INSYN2B: variants seen among roughly 807,000 people sequenced by gnomAD.
INSYN2B encodes protein INSYN2B.
A neutral mutation model predicts 41.2 loss-of-function variants in INSYN2B; 16 were observed. The observed-to-expected ratio is 0.39, with a 90% confidence interval of 0.26 to 0.59. INSYN2B has a LOEUF of 0.59. Among genes scored for constraint, INSYN2B ranks in the 20% least tolerant of loss-of-function variants. INSYN2B has a pLI of 0.57. For synonymous variants in INSYN2B, 245 were observed against 244.4 expected (o/e 1.00, Z -0.02); for missense variants, 608 against 646.4 (o/e 0.94, Z 0.64).
At chr5:169,976,998 A>G (rs10041330) in intron 1 of INSYN2B, among the ~76,000 whole-genome samples, 45,605 of 152,206 alleles carry the variant, frequency 0.3, 7,637 homozygotes, top group Middle Eastern at 0.39. Context: ...ATTGCACAGC[A>G]GGATGTCCTG....
chr5:169,904,091 C>CAAAAA (rs57983281), intron 1 of INSYN2B, among the ~76,000 whole-genome samples: 5 of 70,338 alleles, frequency 7.1e-5, no homozygotes, highest in African/African-American at 9.8e-5. Flanking sequence ...GACTTCGTCT[C>CAAAAA]AAAAAAAAAA....
chr5:169,907,594 C>T (rs1048050412), intron 1 of INSYN2B, among the ~76,000 whole-genome samples: 1 of 152,162 alleles, frequency 6.6e-6, no homozygotes, highest in Non-Finnish European at 1.5e-5. Flanking sequence ...TCACAAACAA[C>T]CCAGTATGTT....
chr5:169,872,607 C>G (rs1772053759), intron 3 of INSYN2B, among the ~76,000 whole-genome samples: 1 of 152,190 alleles, frequency 6.6e-6, no homozygotes, highest in African/African-American at 2.4e-5. Context: ...CTGCTGATAG[C>G]TATATCTGAA....
chr5:169,878,072 C>T (rs1772431556), intron 3 of INSYN2B, among the ~76,000 whole-genome samples: 1 of 152,148 alleles, frequency 6.6e-6, no homozygotes, highest in Non-Finnish European at 1.5e-5. Flanking sequence ...TCTCTGTAAT[C>T]AAAGACCTCT....
chr5:169,883,333 G>C lies in INSYN2B; in HGVS notation c.566C>G (p.Ala189Gly). 1 of 1,551,594 alleles carries C rather than the reference G, an allele frequency of 6.4e-7. No individual in the cohort carries two copies. The highest frequency in any genetic ancestry group is 8.7e-7 in the Non-Finnish European group (1 of 1,146,912). Residue 189 changes from alanine to glycine, a missense_variant, in exon 2 of 4, where the codon GCA becomes GGA. Physicochemically the swap from Ala to Gly is moderately conservative, Grantham distance 60. Coordinates refer to ENST00000377365, the MANE Select transcript of INSYN2B (RefSeq NM_001129891.3). ...SNGPVSICLE[A>G]GTWRSLEKAT... Reference sequence around the variant, plus strand: ...TTTCTCTAAGGACCTCCAAGTTCCTGCTTCCAAGCATATGCTAACAGGACC... The same window carrying C: ...TTTCTCTAAGGACCTCCAAGTTCCTCCTTCCAAGCATATGCTAACAGGACC...
intron 1 of INSYN2B, among the ~76,000 whole-genome samples, chr5:169,977,525 C>T (rs985312638): frequency 6.6e-6 from 1 of 152,148 alleles, no homozygotes; most frequent in Non-Finnish European, 1.5e-5. Flanking sequence ...ATTTTTATCC[C>T]CTTTTACAGA....
At chr5:169,897,483 T>G (rs80094576) in intron 1 of INSYN2B, among the ~76,000 whole-genome samples, 8,773 of 152,164 alleles carry the variant, frequency 0.058, 320 homozygotes, top group Non-Finnish European at 0.083. Context: ...GCCACCGTAC[T>G]CGGCCAGGAA....
chr5:169,946,677 C>G (rs1270117366), intron 1 of INSYN2B, among the ~76,000 whole-genome samples: 2 of 152,198 alleles, frequency 1.3e-5, no homozygotes, highest in African/African-American at 2.4e-5. Context: ...TCTCCTGGAG[C>G]TACGTTCTAA....
intron 3 of INSYN2B, among the ~76,000 whole-genome samples, chr5:169,879,610 A>C (rs1158846630): frequency 3.3e-5 from 5 of 152,242 alleles, no homozygotes; most frequent in Non-Finnish European, 1.5e-5. Flanking sequence ...AACTTAATTT[A>C]GAATGTTTGC....
intron 1 of INSYN2B, among the ~76,000 whole-genome samples, chr5:169,964,876 C>G (rs533471659): frequency 6.6e-5 from 10 of 152,360 alleles, no homozygotes; most frequent in Middle Eastern, 6.8e-3. Flanking sequence ...TAGCTAGTAT[C>G]TGGCACATAG....
In INSYN2B at chr5:169,933,530, T is replaced by C. The variant is rs571681760; in HGVS notation, c.-919+46747A>G. On this transcript the variant is annotated intron_variant, in intron 1 of 3. Coordinates refer to ENST00000377365, the MANE Select transcript of INSYN2B (RefSeq NM_001129891.3). ...TGTGTTTTGTTGTTAATATTGATAC[T>C]GCATTCACCTGGGGAAGGAGGCTGC... Among the ~76,000 whole-genome samples, 205 of 152,386 alleles carry C rather than the reference T, an allele frequency of 1.3e-3. 2 individuals carry two copies. The South Asian group carries it at 0.041, about 30-fold the overall frequency.
In INSYN2B at chr5:169,883,105, G is replaced by A; in HGVS notation, c.794C>T (p.Ala265Val). Reference sequence around the variant, plus strand: ...TTCCTCTGTGCCTGGTGTGTGGCTGGCAACGCTGGTGGCATTTAAGCAGGA... The same window carrying A: ...TTCCTCTGTGCCTGGTGTGTGGCTGACAACGCTGGTGGCATTTAAGCAGGA... ...STSCLNATSV[A>V]SHTPGTEELK... The change falls in exon 2 of 4, where the codon GCC (alanine) becomes GTC (valine). Residue 265 changes from alanine to valine, a missense_variant. Coordinates refer to ENST00000377365, the MANE Select transcript of INSYN2B (RefSeq NM_001129891.3). 6.4e-7 allele frequency: 1 copy of A among 1,551,628 alleles called. No individual in the cohort carries two copies. Among genetic ancestry groups the A allele is most frequent in the Non-Finnish European group, 8.7e-7 (1 of 1,146,938 alleles).
chr5:169,940,708 C>G (rs143020366), intron 1 of INSYN2B, among the ~76,000 whole-genome samples: 316 of 152,248 alleles, frequency 2.1e-3, no homozygotes, highest in African/African-American at 7.2e-3. Context: ...CTAATCCCAC[C>G]ACTGATCTGA....
chr5:169,967,910 G>A (rs1041276627), intron 1 of INSYN2B, among the ~76,000 whole-genome samples: 10 of 152,180 alleles, frequency 6.6e-5, no homozygotes, highest in African/African-American at 2.4e-4. Context: ...AAAGGACTAT[G>A]GCTGGATTAC....
At chr5:169,912,621 A>ATGTG (rs59287791) in intron 1 of INSYN2B, among the ~76,000 whole-genome samples, 25,381 of 150,466 alleles carry the variant, frequency 0.17, 2,811 homozygotes, top group African/African-American at 0.32. Flanking sequence ...GGTGGAGTGT[A>ATGTG]TGTGTGTGTG....
intron 1 of INSYN2B, among the ~76,000 whole-genome samples, chr5:169,914,581 C>T (rs915262227): frequency 6.6e-6 from 1 of 152,204 alleles, no homozygotes; most frequent in Non-Finnish European, 1.5e-5. Flanking sequence ...ATCTGGCCTG[C>T]ACAGTGTCTT....
rs539873122 is a variant in INSYN2B, at chr5:169,958,199, A to C, written c.-919+22078T>G. 5.4e-5 allele frequency among the ~76,000 whole-genome samples: 8 copies of C among 147,968 alleles called. No individual in the cohort carries two copies. The South Asian group carries it at 1.6e-3, about 29-fold the overall frequency. On this transcript the variant is annotated intron_variant, in intron 1 of 3. Transcript: ENST00000377365. Reference sequence around the variant, plus strand: ...GAGAAATGAGGGCCTGGCTAAATGGAACACAGATAATCTGGAAACTTTGTT... The same window carrying C: ...GAGAAATGAGGGCCTGGCTAAATGGCACACAGATAATCTGGAAACTTTGTT...
intron 1 of INSYN2B, among the ~76,000 whole-genome samples, chr5:169,966,750 G>A (rs980644026): frequency 6.6e-6 from 1 of 152,112 alleles, no homozygotes; most frequent in Non-Finnish European, 1.5e-5. Context: ...TACCTCCATG[G>A]AAAATGAGGC....
rs186748684 is a variant in INSYN2B, at chr5:169,951,538, A to G, written c.-919+28739T>C. Among the ~76,000 whole-genome samples, 325 of 152,362 alleles carry G rather than the reference A, an allele frequency of 2.1e-3. 1 individual carries two copies. Among genetic ancestry groups the G allele is most frequent in the African/African-American group, 7.5e-3 (310 of 41,590 alleles). ...TTCTGGAGGTTCAGAGTTGGAAGAC[A>G]TGGACACCTGCCTTGGATCACACCC... is the stretch of plus-strand genomic sequence containing the variant. On this transcript the variant is annotated intron_variant, in intron 1 of 3. Transcript: ENST00000377365.
Sources: allele counts gnomAD v4.1 joint callset (sites outside exome capture counted in the v4.1 genomes callset), GRCh38; gene constraint gnomAD v4.1.1; transcripts MANE v1.5; gene names NCBI Gene and HGNC (gene_info 2026-07-23, HGNC 2026-07-21).